PLAGL1: variants seen among roughly 807,000 people sequenced by gnomAD.
PLAGL1 encodes PLAG1 like zinc finger 1.
PLAGL1 carries 1 observed loss-of-function variant against 4.6 expected under a neutral mutation model. That is an observed-to-expected ratio of 0.22 (90% CI 0.08 to 1.03). PLAGL1 has a LOEUF of 1.03. Among genes scored for constraint, PLAGL1 ranks in the 50% least tolerant of loss-of-function variants. The pLI, the probability that PLAGL1 is intolerant of heterozygous loss-of-function variation, is 0.58. For missense variants in PLAGL1, 464 were observed against 570.4 expected (o/e 0.81, Z 1.90); for synonymous variants, 240 against 237.8 (o/e 1.01, Z -0.08).
At position 143,946,812 on chromosome 6, in the gene PLAGL1, A is replaced by T. The variant is rs76197850; in HGVS notation, c.152+1173T>A. On this transcript the variant is annotated intron_variant, in intron 7 of 7. Coordinates refer to ENST00000674357, the MANE Select transcript of PLAGL1 (RefSeq NM_001317162.2). ...AAGTTTATTTCATGAAATTAAGGGC[A>T]AATGGTGCATTTCCCTTAACCAAGT... is the stretch of plus-strand genomic sequence containing the variant. Among the ~76,000 whole-genome samples, 975 of 152,354 alleles carry T rather than the reference A, an allele frequency of 6.4e-3. 10 individuals carry two copies. Among genetic ancestry groups the T allele is most frequent in the African/African-American group, 0.022 (927 of 41,578 alleles).
chr6:143,956,537 T>C (rs962654719), intron 6 of PLAGL1, among the ~76,000 whole-genome samples: 2 of 152,174 alleles, frequency 1.3e-5, no homozygotes, highest in African/African-American at 2.4e-5. Context: ...AAGATCCTAA[T>C]AAACAAACAA....
In PLAGL1 at chr6:144,027,383, G is replaced by C. The variant is rs1332100043; in HGVS notation, c.-151+37085C>G. 6.6e-6 allele frequency among the ~76,000 whole-genome samples: 1 copy of C among 152,152 alleles called. No individual in the cohort carries two copies. The highest frequency in any genetic ancestry group is 1.5e-5 in the Non-Finnish European group (1 of 68,008). ...CAAAACTGCAGGTGAGGATCTTTTT[G>C]TTTCTTCTACAATCCCATGAGAAAC... is the stretch of plus-strand genomic sequence containing the variant. On this transcript the variant is annotated intron_variant, in intron 1 of 3. Transcript: ENST00000437412. This position sits in a 1 kb window ranked among gnomAD's most constrained non-coding sequence, Gnocchi z 5.8.
chr6:143,993,654 A>G (rs1372648551), intron 1 of PLAGL1, among the ~76,000 whole-genome samples: 1 of 152,238 alleles, frequency 6.6e-6, no homozygotes, highest in African/African-American at 2.4e-5. Context: ...TTTCATGTGG[A>G]TAAAATGACT....
In PLAGL1 at chr6:144,016,412, C is replaced by T. The variant is rs750329316; in HGVS notation, c.-150-47434G>A. On this transcript the variant is annotated intron_variant, in intron 1 of 3. Coordinates refer to the PLAGL1 transcript ENST00000437412. The surrounding 1 kb of genome is among the most constrained non-coding windows in gnomAD (Gnocchi z 4.2). Reference sequence around the variant, plus strand: ...GGGTGGATCTGCCTTCCCCAGACCACTGACTCAAATATTAATCTCTTTTGG... The same window carrying T: ...GGGTGGATCTGCCTTCCCCAGACCATTGACTCAAATATTAATCTCTTTTGG... 6.6e-6 allele frequency among the ~76,000 whole-genome samples: 1 copy of T among 152,226 alleles called. No homozygotes were observed. The highest frequency in any genetic ancestry group is 2.4e-5 in the African/African-American group (1 of 41,460).
rs1476211319 is a variant in PLAGL1 at position 143,982,879 on chromosome 6, G to T, written c.-544+2256C>A. 6.6e-6 allele frequency among the ~76,000 whole-genome samples: 1 copy of T among 152,214 alleles called. No individual in the cohort carries two copies. The highest frequency in any genetic ancestry group is 1.5e-5 in the Non-Finnish European group (1 of 68,038). On this transcript the variant is annotated intron_variant, in intron 2 of 7. Coordinates refer to ENST00000674357, the MANE Select transcript of PLAGL1 (RefSeq NM_001317162.2). This position sits in a 1 kb window ranked among gnomAD's most constrained non-coding sequence, Gnocchi z 5.3. Reference sequence around the variant, plus strand: ...AGGAGCTCAGGTGCAGACATGTTAGGTTTGATATGCCTATTAGACATCCAG... The same window carrying T: ...AGGAGCTCAGGTGCAGACATGTTAGTTTTGATATGCCTATTAGACATCCAG...
At position 143,945,022 on chromosome 6, in the gene PLAGL1, T is replaced by G. The variant is rs1257667442; in HGVS notation, c.153-2359A>C. Reference sequence around the variant, plus strand: ...GCACAGTCTGACACCCCAGTAGTACTTGAGCAAGACCACTGCCTTCCAGAC... The same window carrying G: ...GCACAGTCTGACACCCCAGTAGTACGTGAGCAAGACCACTGCCTTCCAGAC... On this transcript the variant is annotated intron_variant, in intron 7 of 7. Coordinates refer to ENST00000674357, the MANE Select transcript of PLAGL1 (RefSeq NM_001317162.2). This position sits in a 1 kb window ranked among gnomAD's most constrained non-coding sequence, Gnocchi z 4.2. Among the ~76,000 whole-genome samples the G allele has an allele frequency of 6.6e-6, 1 of 152,172 alleles. No individual in the cohort carries two copies. Among genetic ancestry groups the G allele is most frequent in the Non-Finnish European group, 1.5e-5 (1 of 68,028 alleles).
chr6:144,059,279 G>GGA lies in PLAGL1; in HGVS notation c.-151+5188_-151+5189insTC, dbSNP rs1438400269. Among the ~76,000 whole-genome samples the GGA allele has an allele frequency of 6.6e-6, 1 of 152,244 alleles. No individual in the cohort carries two copies. Among genetic ancestry groups the GGA allele is most frequent in the African/African-American group, 2.4e-5 (1 of 41,462 alleles). On this transcript the variant is annotated intron_variant, in intron 1 of 3. Transcript: ENST00000437412. The surrounding 1 kb of genome is among the most constrained non-coding windows in gnomAD (Gnocchi z 4.9). ...GACTGGAACTGGAGCAGTGGAATGT[G>GGA]AGGAGCAGCTTCCCAGGGTGGTGCA... is the stretch of plus-strand genomic sequence containing the variant.
At chr6:144,014,809 G>C (rs1795460469) in intron 1 of PLAGL1, among the ~76,000 whole-genome samples, 1 of 152,158 alleles carries the variant, frequency 6.6e-6, no homozygotes, top group African/African-American at 2.4e-5. Flanking sequence ...CAAACTCCTA[G>C]ACTCAAGTGA....
At position 144,004,416 on chromosome 6, in the gene PLAGL1, T is replaced by A. The variant is rs954899472; in HGVS notation, c.-584+3674A>T. ...CCCACAGGCCATAGTTTGCCAACCC[T>A]TGATACAAAGCAAAAATAAAAAACA... On this transcript the variant is annotated intron_variant, in intron 1 of 7. Coordinates refer to ENST00000674357, the MANE Select transcript of PLAGL1 (RefSeq NM_001317162.2). The surrounding 1 kb of genome is among the most constrained non-coding windows in gnomAD (Gnocchi z 4.2). Among the ~76,000 whole-genome samples the A allele has an allele frequency of 6.6e-6, 1 of 152,228 alleles. No homozygotes were observed. The highest frequency in any genetic ancestry group is 2.4e-5 in the African/African-American group (1 of 41,462).
chr6:143,986,216 T>C (rs971237359), intron 1 of PLAGL1, among the ~76,000 whole-genome samples: 7 of 151,854 alleles, frequency 4.6e-5, no homozygotes, highest in Non-Finnish European at 1.0e-4. Context: ...TGTTTTGATG[T>C]CATCATTCAT....
chr6:143,941,663 C>CCAA lies in PLAGL1; in HGVS notation c.1150_1152dup (p.Leu384dup). Reference sequence around the variant, plus strand: ...GCAGGAGGGGGCAGCTGCCAGAAGCCCAACAGGGGGGACAGGTCCAGAGAG... The same window carrying CCAA: ...GCAGGAGGGGGCAGCTGCCAGAAGCCCAACAACAGGGGGGACAGGTCCAGAGAG... On this transcript the variant is annotated inframe_insertion, in exon 8 of 8. Coordinates refer to ENST00000674357, the MANE Select transcript of PLAGL1 (RefSeq NM_001317162.2). This position sits in a 1 kb window ranked among gnomAD's most constrained non-coding sequence, Gnocchi z 6.0. 6.2e-7 allele frequency: 1 copy of CCAA among 1,614,130 alleles called. No individual in the cohort carries two copies.
intron 1 of PLAGL1, among the ~76,000 whole-genome samples, chr6:144,057,845 T>C (rs963919888): frequency 7.9e-5 from 12 of 151,080 alleles, no homozygotes; most frequent in Non-Finnish European, 5.9e-5. Context: ...CTCAGGTTCA[T>C]GGACTCATGC....
chr6:143,992,938 A>G (rs1790791301), intron 1 of PLAGL1, among the ~76,000 whole-genome samples: 1 of 151,780 alleles, frequency 6.6e-6, no homozygotes, highest in Admixed American at 6.6e-5. Flanking sequence ...AGATCCTGCC[A>G]CCGCACTCCA....
intron 6 of PLAGL1, among the ~76,000 whole-genome samples, chr6:143,956,016 A>G (rs1583169180): frequency 6.6e-6 from 1 of 152,234 alleles, no homozygotes; most frequent in African/African-American, 2.4e-5. Flanking sequence ...ATGGTGCCTA[A>G]TGGGCATTCG....
rs777741438 is a variant in PLAGL1 at position 143,941,826 on chromosome 6, C to A, written c.990G>T (p.Leu330Phe). The A allele has an allele frequency of 6.2e-7, 1 of 1,614,196 alleles. No homozygotes were observed. The highest frequency in any genetic ancestry group is 1.1e-5 in the South Asian group (1 of 91,084). Reference sequence around the variant, plus strand: ...GCTCTTGCAGAGGCAAGTCCTCAAACAAACTGATATTGCAAAAACCTTTAG... The same window carrying A: ...GCTCTTGCAGAGGCAAGTCCTCAAAAAAACTGATATTGCAAAAACCTTTAG... ...ADTKGFCNISLFEDLPLQEPQ... is the reference protein window; with the variant it reads ...ADTKGFCNISFFEDLPLQEPQ... Residue 330 changes from leucine (L) to phenylalanine (F), a missense_variant, in exon 8 of 8, where the codon TTG becomes TTT. Physicochemically the swap from Leu to Phe is conservative, Grantham distance 22. Around this residue, in one of 4 missense-constraint regions of PLAGL1, gnomAD observed 248 missense variants for 250.1 expected, o/e 0.99. Transcript: ENST00000674357. This position sits in a 1 kb window ranked among gnomAD's most constrained non-coding sequence, Gnocchi z 6.0.
At chr6:143,991,954 G>A (rs1337663061) in intron 1 of PLAGL1, among the ~76,000 whole-genome samples, 1 of 152,178 alleles carries the variant, frequency 6.6e-6, no homozygotes, top group Non-Finnish European at 1.5e-5. Context: ...TAGCCAGCTT[G>A]CTCTCCAGTG....
chr6:143,984,654 C>T lies in PLAGL1; in HGVS notation c.-544+481G>A, dbSNP rs146581629. On this transcript the variant is annotated intron_variant, in intron 2 of 7. Transcript: ENST00000674357. This position sits in a 1 kb window ranked among gnomAD's most constrained non-coding sequence, Gnocchi z 5.5. ...TAAGTTACTTTGTAACAATATTCTC[C>T]TCTCCTGCTAAGATGATGAAAAACA... Among the ~76,000 whole-genome samples, 108 of 152,104 alleles carry T rather than the reference C, an allele frequency of 7.1e-4. 1 individual carries two copies. The East Asian group carries it at 0.014, about 19-fold the overall frequency.
At chr6:144,002,470 G>T (rs528303321) in intron 1 of PLAGL1, among the ~76,000 whole-genome samples, 7 of 152,016 alleles carry the variant, frequency 4.6e-5, no homozygotes, top group Admixed American at 2.6e-4. Flanking sequence ...AATTGTAAAG[G>T]CATATTTAAA....
chr6:143,980,297 C>A (rs950867159), intron 2 of PLAGL1, among the ~76,000 whole-genome samples: 1 of 151,792 alleles, frequency 6.6e-6, no homozygotes, highest in Non-Finnish European at 1.5e-5. Flanking sequence ...TATTTTCTGT[C>A]CTCTCCCTCC....
Sources: allele counts gnomAD v4.1 joint callset (sites outside exome capture counted in the v4.1 genomes callset), GRCh38; gene constraint gnomAD v4.1.1; regional missense constraint gnomAD v4.1.1; non-coding constraint Gnocchi (gnomAD v3.1); transcripts MANE v1.5; gene names NCBI Gene and HGNC (gene_info 2026-07-23, HGNC 2026-07-21).